EFNA5: variants seen among roughly 807,000 people sequenced by gnomAD.
EFNA5 encodes the protein ephrin A5.
Under a neutral mutation model 22.9 loss-of-function variants are expected in EFNA5, and 5 were observed. The ratio of observed to expected loss-of-function variants is 0.22; its 90% CI spans 0.11 to 0.46. EFNA5 has a LOEUF of 0.46. EFNA5 is among the 20% of genes least tolerant of loss of function. EFNA5 has a pLI of 0.99. For missense variants in EFNA5, 237 were observed against 293.3 expected (o/e 0.81, Z 1.40); for synonymous variants, 113 against 112.2 (o/e 1.01, Z -0.04).
At chr5:107,577,571 G>C (rs1748950865) in intron 1 of EFNA5, among the ~76,000 whole-genome samples, 1 of 152,172 alleles carries the variant, frequency 6.6e-6, no homozygotes, top group African/African-American at 2.4e-5. Flanking sequence ...CAAATGTCAA[G>C]AGGAAAGAAT....
intron 1 of EFNA5, among the ~76,000 whole-genome samples, chr5:107,533,655 T>C (rs916131957): frequency 5.9e-5 from 9 of 152,202 alleles, no homozygotes; most frequent in Non-Finnish European, 1.0e-4. Context: ...ATTAGATCCA[T>C]GCAGTTAAAC....
At chr5:107,540,749 C>T (rs1033687887) in intron 1 of EFNA5, among the ~76,000 whole-genome samples, 1 of 152,128 alleles carries the variant, frequency 6.6e-6, no homozygotes, top group South Asian at 2.1e-4. Flanking sequence ...AGTGAGAAAG[C>T]CTAATTCTGG....
At chr5:107,658,230 T>C (rs547486991) in intron 1 of EFNA5, among the ~76,000 whole-genome samples, 9 of 152,328 alleles carry the variant, frequency 5.9e-5, no homozygotes, top group Middle Eastern at 3.4e-3. Context: ...GGATTTAAGT[T>C]GGAAAGTGTT....
At chr5:107,658,249 G>A (rs1750871182) in intron 1 of EFNA5, among the ~76,000 whole-genome samples, 1 of 152,150 alleles carries the variant, frequency 6.6e-6, no homozygotes. Flanking sequence ...TTAAAAATCT[G>A]TTTCTGCGGT....
intron 1 of EFNA5, among the ~76,000 whole-genome samples, chr5:107,569,487 TTATA>T (rs558795095): frequency 2.9e-5 from 4 of 137,210 alleles, no homozygotes; most frequent in South Asian, 2.2e-4. Flanking sequence ...GTATATATAT[TTATA>T]TATATGTGTA....
chr5:107,649,942 G>C (rs1750696369), intron 1 of EFNA5, among the ~76,000 whole-genome samples: 1 of 152,148 alleles, frequency 6.6e-6, no homozygotes, highest in South Asian at 2.1e-4. Flanking sequence ...CAGTGGAGGA[G>C]CAGAGAAGTG....
intron 1 of EFNA5, among the ~76,000 whole-genome samples, chr5:107,509,406 C>T (rs902015227): frequency 1.3e-5 from 2 of 151,668 alleles, no homozygotes; most frequent in Non-Finnish European, 2.9e-5. Flanking sequence ...GCAACCTCTG[C>T]CTCCAGGATT....
At chr5:107,623,595 C>G (rs1750083659) in intron 1 of EFNA5, among the ~76,000 whole-genome samples, 1 of 151,774 alleles carries the variant, frequency 6.6e-6, no homozygotes, top group South Asian at 2.1e-4. Context: ...AAGTACTGTA[C>G]AGCATGAATA....
chr5:107,391,503 G>C (rs959669560), intron 2 of EFNA5, among the ~76,000 whole-genome samples: 1 of 152,076 alleles, frequency 6.6e-6, no homozygotes, highest in Non-Finnish European at 1.5e-5. Flanking sequence ...AAAAGAGGCA[G>C]TGACTTGCAA....
chr5:107,631,209 G>C (rs1415142962), intron 1 of EFNA5, among the ~76,000 whole-genome samples: 1 of 151,278 alleles, frequency 6.6e-6, no homozygotes, highest in Non-Finnish European at 1.5e-5. Flanking sequence ...CATTATAAAT[G>C]TAGTCCTTTG....
intron 1 of EFNA5, among the ~76,000 whole-genome samples, chr5:107,504,681 C>T (rs1747214365): frequency 6.6e-6 from 1 of 152,094 alleles, no homozygotes; most frequent in Admixed American, 6.5e-5. Context: ...GAACAGCTTC[C>T]CTACCTATCC....
chr5:107,665,877 A>T (rs1580590934), intron 1 of EFNA5, among the ~76,000 whole-genome samples: 1 of 152,300 alleles, frequency 6.6e-6, no homozygotes, highest in East Asian at 1.9e-4. Context: ...GCATAAAAAC[A>T]TGGGTTATAA....
chr5:107,619,927 G>A (rs1750001279), intron 1 of EFNA5, among the ~76,000 whole-genome samples: 1 of 152,178 alleles, frequency 6.6e-6, no homozygotes, highest in Non-Finnish European at 1.5e-5. Flanking sequence ...CTACAAAACT[G>A]TGACTCCTCC....
At chr5:107,408,573 C>T (rs73777839) in intron 2 of EFNA5, among the ~76,000 whole-genome samples, 2,825 of 152,250 alleles carry the variant, frequency 0.019, 78 homozygotes, top group African/African-American at 0.061. Flanking sequence ...ATAAAACCAA[C>T]ATTAATTATT....
chr5:107,386,866 T>C (rs1299915836), intron 4 of EFNA5, among the ~76,000 whole-genome samples: 2 of 152,342 alleles, frequency 1.3e-5, no homozygotes, highest in Middle Eastern at 3.4e-3. Flanking sequence ...TTTATGAACA[T>C]ATACATAGAA....
chr5:107,664,846 A>G (rs1209019367), intron 1 of EFNA5, among the ~76,000 whole-genome samples: 1 of 152,228 alleles, frequency 6.6e-6, no homozygotes, highest in Admixed American at 6.5e-5. Context: ...TTCTGAAAAG[A>G]AAATTGATAA....
chr5:107,608,800 C>A (rs967497396), intron 1 of EFNA5, among the ~76,000 whole-genome samples: 20 of 152,228 alleles, frequency 1.3e-4, no homozygotes, highest in African/African-American at 4.6e-4. Context: ...TGGCCCCAAG[C>A]AGGCTGGTCC....
At chr5:107,482,038 A>T (rs1195567939) in intron 1 of EFNA5, among the ~76,000 whole-genome samples, 1 of 151,638 alleles carries the variant, frequency 6.6e-6, no homozygotes, top group Non-Finnish European at 1.5e-5. Context: ...GGCTGGGCGT[A>T]GTGGCTCATG....
At position 107,454,071 on chromosome 5, in the gene EFNA5, C is replaced by T. The variant is rs372815278; in HGVS notation, c.126-26562G>A. Among the ~76,000 whole-genome samples, 27 of 152,202 alleles carry T rather than the reference C, an allele frequency of 1.8e-4. No homozygotes were observed. The South Asian group carries it at 5.6e-3, about 32-fold the overall frequency. On this transcript the variant is annotated intron_variant, in intron 1 of 4. Coordinates refer to ENST00000333274, the MANE Select transcript of EFNA5 (RefSeq NM_001962.3). ...AATATGAACAAAAGCCAATAATTCC[C>T]TTCATAGCTAACTAGCATGAACGTT...
Sources: gnomAD v4.1 joint callset for allele counts (sites outside exome capture counted in the v4.1 genomes callset) on GRCh38, gnomAD v4.1.1 for gene constraint, MANE v1.5 for transcripts, NCBI Gene and HGNC (gene_info 2026-07-23, HGNC 2026-07-21) for gene names.